Variants in MGMT observed in about 807,000 individuals in gnomAD.
The protein encoded by MGMT is O-6-methylguanine-DNA methyltransferase.
Under a neutral mutation model 15.9 loss-of-function variants are expected in MGMT, and 14 were observed. The ratio of observed to expected loss-of-function variants is 0.88; its 90% CI spans 0.58 to 1.37. The LOEUF (loss-of-function observed/expected upper bound fraction) is 1.37, where lower values mean the gene tolerates loss of function less well. Among genes scored for constraint, MGMT ranks in the 40% most tolerant of loss-of-function variants. The pLI is 0.00. For missense variants in MGMT, 282 were observed against 268.1 expected (o/e 1.05, Z -0.36); for synonymous variants, 130 against 118.2 (o/e 1.10, Z -0.65).
chr10:129,565,779 A>G (rs55634703), intron 2 of MGMT, among the ~76,000 whole-genome samples: 15,142 of 152,112 alleles, frequency 0.1, 825 homozygotes, highest in African/African-American at 0.14. Flanking sequence ...CTACTGTGAG[A>G]TCCTGGTGAT....
intron 3 of MGMT, among the ~76,000 whole-genome samples, chr10:129,723,872 C>G (rs1848402906): frequency 6.6e-6 from 1 of 152,180 alleles, no homozygotes; most frequent in South Asian, 2.1e-4. Context: ...AGATCAGACA[C>G]CACCAAGTGT....
chr10:129,613,585 G>T (rs868849168), intron 2 of MGMT, among the ~76,000 whole-genome samples: 2 of 152,200 alleles, frequency 1.3e-5, no homozygotes, highest in Non-Finnish European at 2.9e-5. Flanking sequence ...TGTCATCAAA[G>T]GTTCATCATC....
chr10:129,512,495 G>C (rs887615298), intron 1 of MGMT, among the ~76,000 whole-genome samples: 1 of 152,108 alleles, frequency 6.6e-6, no homozygotes, highest in Non-Finnish European at 1.5e-5. Flanking sequence ...TGGAAGGGTC[G>C]TTCTCATGCC....
intron 2 of MGMT, among the ~76,000 whole-genome samples, chr10:129,603,973 G>C (rs1419058548): frequency 6.6e-6 from 1 of 152,162 alleles, no homozygotes; most frequent in African/African-American, 2.4e-5. Flanking sequence ...CTGGGTAGGA[G>C]TGCCTGGTGC....
chr10:129,469,473 C>A (rs1262123074), intron 1 of MGMT, among the ~76,000 whole-genome samples: 1 of 152,170 alleles, frequency 6.6e-6, no homozygotes, highest in Non-Finnish European at 1.5e-5. Context: ...TTCATTCTGA[C>A]CCCCTTCCCC....
At chr10:129,729,830 T>C (rs546724973) in intron 3 of MGMT, among the ~76,000 whole-genome samples, 2 of 152,340 alleles carry the variant, frequency 1.3e-5, no homozygotes, top group South Asian at 2.1e-4. Context: ...TGGAAAATTA[T>C]TGAACAGAGC....
chr10:129,760,612 G>A (rs1470552669), intron 4 of MGMT, among the ~76,000 whole-genome samples: 1 of 152,236 alleles, frequency 6.6e-6, no homozygotes, highest in Non-Finnish European at 1.5e-5. Flanking sequence ...GCAGCAGCCT[G>A]GGGGCAGAGC....
chr10:129,599,275 C>G (rs927639650), intron 2 of MGMT, among the ~76,000 whole-genome samples: 1 of 152,166 alleles, frequency 6.6e-6, no homozygotes, highest in Non-Finnish European at 1.5e-5. Context: ...TATACCTCCA[C>G]TTGTTATAGT....
chr10:129,554,043 C>A (rs1846187048), intron 2 of MGMT, among the ~76,000 whole-genome samples: 1 of 152,200 alleles, frequency 6.6e-6, no homozygotes, highest in Non-Finnish European at 1.5e-5. Flanking sequence ...TGTTATGTGA[C>A]CATGAGGGCG....
intron 2 of MGMT, among the ~76,000 whole-genome samples, chr10:129,697,453 C>T (rs75687940): frequency 0.019 from 2,891 of 151,988 alleles, 104 homozygotes; most frequent in African/African-American, 0.066. Flanking sequence ...GTCCCTTATG[C>T]GTTTGGTAAG....
rs140082253 is a variant in MGMT at position 129,607,913 on chromosome 10, C to T, written c.125+71536C>T. 6.6e-5 allele frequency among the ~76,000 whole-genome samples: 10 copies of T among 152,318 alleles called. No individual in the cohort carries two copies. In the East Asian group the frequency reaches 1.9e-3, roughly 29 times the overall value. Reference sequence around the variant, plus strand: ...AGGAGGACGTGGGGTTAGCCACCTGCCCCCTCGTACCGTGTTTCACATGCG... The same window carrying T: ...AGGAGGACGTGGGGTTAGCCACCTGTCCCCTCGTACCGTGTTTCACATGCG... On this transcript the variant is annotated intron_variant, in intron 2 of 4. Transcript: ENST00000651593.
intron 4 of MGMT, among the ~76,000 whole-genome samples, chr10:129,766,432 C>T (rs1336870441): frequency 2.0e-5 from 3 of 152,226 alleles, no homozygotes; most frequent in East Asian, 1.9e-4. Flanking sequence ...CACCAGAACT[C>T]GGAAACGTAG....
chr10:129,731,027 C>T (rs1342634941), intron 3 of MGMT, among the ~76,000 whole-genome samples: 1 of 152,134 alleles, frequency 6.6e-6, no homozygotes, highest in East Asian at 1.9e-4. Context: ...CCTCCAGGAG[C>T]GAGCCTCCTA....
rs924998385 is a variant in MGMT at position 129,734,772 on chromosome 10, G to C, written c.275-24430G>C. ...TTTATTGAGAGTTTTTAGCATGAAG[G>C]GTTGTTGAATTTTGTCAAAGGCCTT... On this transcript the variant is annotated intron_variant, in intron 3 of 4. Transcript: ENST00000651593. Among the ~76,000 whole-genome samples, 109 of 152,166 alleles carry C rather than the reference G, an allele frequency of 7.2e-4. No homozygotes were observed. The East Asian group carries it at 9.7e-3, about 14-fold the overall frequency.
intron 2 of MGMT, among the ~76,000 whole-genome samples, chr10:129,686,670 G>A (rs966123471): frequency 6.6e-6 from 1 of 152,192 alleles, no homozygotes; most frequent in Non-Finnish European, 1.5e-5. Context: ...GCCTGCCAGG[G>A]CTGTTTTTAA....
At chr10:129,701,753 T>TG (rs2133136082) in intron 2 of MGMT, 1 of 152,228 alleles carries the variant, frequency 6.6e-6, no homozygotes, top group South Asian at 2.1e-4. Flanking sequence ...TGTGGCCAGG[T>TG]GGGATTCCCA....
chr10:129,640,947 T>C (rs1309685580), intron 2 of MGMT, among the ~76,000 whole-genome samples: 1 of 152,214 alleles, frequency 6.6e-6, no homozygotes, highest in Non-Finnish European at 1.5e-5. Flanking sequence ...GATAAAAGAT[T>C]GAATGTTTTC....
chr10:129,734,018 G>A (rs1448113080), intron 3 of MGMT, among the ~76,000 whole-genome samples: 1 of 151,224 alleles, frequency 6.6e-6, no homozygotes, highest in African/African-American at 2.4e-5. Flanking sequence ...TGTTCTTTTG[G>A]CTTAGGATTG....
intron 1 of MGMT, among the ~76,000 whole-genome samples, chr10:129,472,103 C>G (rs1201295432): frequency 6.6e-6 from 1 of 152,146 alleles, no homozygotes. Flanking sequence ...TGTTTTTAAT[C>G]CCCCTCTGGG....
Sources: gnomAD v4.1 joint callset for allele counts (sites outside exome capture counted in the v4.1 genomes callset) on GRCh38, gnomAD v4.1.1 for gene constraint, MANE v1.5 for transcripts, NCBI Gene and HGNC (gene_info 2026-07-23, HGNC 2026-07-21) for gene names.